The following TAFA4 variants were observed in gnomAD, a reference collection of about 807,000 sequenced individuals.
TAFA4 encodes the protein chemokine-like protein TAFA-4.
Under a neutral mutation model 21.1 loss-of-function variants are expected in TAFA4, and 20 were observed. That is an observed-to-expected ratio of 0.95 (90% CI 0.67 to 1.38). The LOEUF is 1.38. TAFA4 is among the 40% of genes most tolerant of loss of function. The pLI, the probability that TAFA4 is intolerant of heterozygous loss-of-function variation, is 0.00. For missense variants in TAFA4, 211 were observed against 180.9 expected (o/e 1.17, Z -0.95); for synonymous variants, 71 against 67.4 (o/e 1.05, Z -0.26).
At chr3:68,854,848 A>C (rs1705030646) in intron 3 of TAFA4, among the ~76,000 whole-genome samples, 1 of 152,130 alleles carries the variant, frequency 6.6e-6, no homozygotes, top group Non-Finnish European at 1.5e-5. Context: ...CAGACTTGAA[A>C]AACAGAAAAG....
intron 1 of TAFA4, among the ~76,000 whole-genome samples, chr3:68,896,381 T>C (rs959308144): frequency 1.3e-5 from 2 of 152,134 alleles, no homozygotes; most frequent in Non-Finnish European, 2.9e-5. Flanking sequence ...GAGATGGTGA[T>C]GGCTTGGAGC....
At chr3:68,790,511 C>A (rs966280507) in intron 3 of TAFA4, among the ~76,000 whole-genome samples, 2 of 152,032 alleles carry the variant, frequency 1.3e-5, no homozygotes, top group East Asian at 3.9e-4. Flanking sequence ...AGTGAGAATA[C>A]TCATAATTTA....
chr3:68,864,526 T>C (rs1452899587), intron 3 of TAFA4, among the ~76,000 whole-genome samples: 1 of 152,170 alleles, frequency 6.6e-6, no homozygotes, highest in East Asian at 1.9e-4. Context: ...ACTTTAAAAA[T>C]GTTTAACAGT....
At chr3:68,896,557 C>CTAGAGCTGATGTCTGTCTCATGGGCAAA (rs1489396554) in intron 1 of TAFA4, among the ~76,000 whole-genome samples, 1 of 152,196 alleles carries the variant, frequency 6.6e-6, no homozygotes, top group Admixed American at 6.5e-5. Context: ...TAACCTCTCT[C>CTAGAGCTGATGTCTGTCTCATGGGCAAA]TAGAGCTGAT....
intron 5 of TAFA4, among the ~76,000 whole-genome samples, chr3:68,738,865 T>C (rs1469854375): frequency 6.6e-6 from 1 of 152,124 alleles, no homozygotes; most frequent in Non-Finnish European, 1.5e-5. Context: ...AATAATGAAT[T>C]CTCCCACCAA....
At chr3:68,880,704 G>C (rs747576058) in intron 3 of TAFA4, 26 bp downstream of exon 3, 1 of 1,588,478 alleles carries the variant, frequency 6.3e-7, no homozygotes, top group Non-Finnish European at 8.6e-7. Flanking sequence ...TATCTCAGCA[G>C]TGCATAATGA....
rs531290027 is a variant in TAFA4 at position 68,815,800 on chromosome 3, A to C, written c.131-62782T>G. On this transcript the variant is annotated intron_variant, in intron 3 of 5. Coordinates refer to ENST00000295569, the MANE Select transcript of TAFA4 (RefSeq NM_182522.5). ...AACTAGAAATACCATTTGACCCAGC[A>C]ATCCCATTACTGGGTATATACCCAA... Among the ~76,000 whole-genome samples the C allele has an allele frequency of 2.5e-4, 38 of 152,314 alleles. No homozygotes were observed. In the East Asian group the frequency reaches 4.1e-3, roughly 16 times the overall value.
At chr3:68,849,828 A>G (rs562929528) in intron 3 of TAFA4, among the ~76,000 whole-genome samples, 10 of 152,326 alleles carry the variant, frequency 6.6e-5, no homozygotes, top group African/African-American at 2.4e-4. Flanking sequence ...CCATTACTGA[A>G]AATTCATTCA....
chr3:68,894,834 G>A (rs1218450133), intron 1 of TAFA4, among the ~76,000 whole-genome samples: 1 of 151,918 alleles, frequency 6.6e-6, no homozygotes, highest in Non-Finnish European at 1.5e-5. Context: ...AGAAGTTTGA[G>A]GGTGTTTTTG....
chr3:68,924,855 C>T (rs1340859344), intron 1 of TAFA4, among the ~76,000 whole-genome samples: 1 of 152,096 alleles, frequency 6.6e-6, no homozygotes, highest in Admixed American at 6.5e-5. Flanking sequence ...ATCTCCTTAC[C>T]CACTCCCCAC....
intron 3 of TAFA4, among the ~76,000 whole-genome samples, chr3:68,835,190 C>G (rs917480356): frequency 6.6e-6 from 1 of 152,162 alleles, no homozygotes; most frequent in Non-Finnish European, 1.5e-5. Context: ...GTAAGGCCTT[C>G]CCTGGTGACC....
chr3:68,851,757 A>T (rs887400447), intron 3 of TAFA4, among the ~76,000 whole-genome samples: 1 of 152,220 alleles, frequency 6.6e-6, no homozygotes, highest in African/African-American at 2.4e-5. Context: ...AGTAGGCGGG[A>T]AAGAATCAAA....
chr3:68,785,978 C>CTT, intron 3 of TAFA4, among the ~76,000 whole-genome samples: 1 of 152,350 alleles, frequency 6.6e-6, no homozygotes, highest in Admixed American at 6.5e-5. Context: ...GTTCAGTACT[C>CTT]TTTCACAATA....
chr3:68,922,243 A>C (rs1477662799), intron 1 of TAFA4, among the ~76,000 whole-genome samples: 2 of 152,198 alleles, frequency 1.3e-5, no homozygotes, highest in Non-Finnish European at 2.9e-5. Context: ...AGCCTCCTGG[A>C]AACAGAAATT....
At chr3:68,818,332 G>T (rs1416253646) in intron 3 of TAFA4, among the ~76,000 whole-genome samples, 1 of 152,156 alleles carries the variant, frequency 6.6e-6, no homozygotes, top group South Asian at 2.1e-4. Flanking sequence ...AGGCTGGTTT[G>T]ATCTATCCAG....
At chr3:68,929,442 G>T (rs2090139907) in intron 1 of TAFA4, among the ~76,000 whole-genome samples, 1 of 152,102 alleles carries the variant, frequency 6.6e-6, no homozygotes, top group African/African-American at 2.4e-5. Context: ...ATACTGTATG[G>T]CCTCCCAATC....
At chr3:68,834,888 A>T (rs756664020) in intron 3 of TAFA4, among the ~76,000 whole-genome samples, 18 of 152,076 alleles carry the variant, frequency 1.2e-4, no homozygotes, top group Non-Finnish European at 2.5e-4. Flanking sequence ...AAACCTCCCA[A>T]TGAGTCTCTG....
intron 1 of TAFA4, among the ~76,000 whole-genome samples, chr3:68,920,868 T>TA (rs1043992128): frequency 3.3e-5 from 5 of 152,202 alleles, no homozygotes; most frequent in South Asian, 4.1e-4. Flanking sequence ...ATATTGTTCT[T>TA]AAAAAAATTA....
chr3:68,827,324 T>G (rs576035524), intron 3 of TAFA4, among the ~76,000 whole-genome samples: 6 of 152,332 alleles, frequency 3.9e-5, no homozygotes, highest in Admixed American at 3.9e-4. Flanking sequence ...TTTGCTATTA[T>G]GAATAGTGCC....
Sources: gnomAD v4.1 joint callset for allele counts (sites outside exome capture counted in the v4.1 genomes callset) on GRCh38, gnomAD v4.1.1 for gene constraint, MANE v1.5 for transcripts, NCBI Gene and HGNC (gene_info 2026-07-23, HGNC 2026-07-21) for gene names.